TSPAN1: variants seen among roughly 807,000 people sequenced by gnomAD.
TSPAN1 encodes tetraspanin 1.
Under a neutral mutation model 26.9 loss-of-function variants are expected in TSPAN1, and 23 were observed. The ratio of observed to expected loss-of-function variants is 0.85; its 90% CI spans 0.62 to 1.21. The LOEUF (loss-of-function observed/expected upper bound fraction) is 1.21, where lower values mean the gene tolerates loss of function less well. TSPAN1 is among the 50% of genes most tolerant of loss of function. The probability of loss-of-function intolerance (pLI) is 0.00; values close to 1 mark genes in which losing one functional copy is unlikely to be tolerated. For synonymous variants in TSPAN1, 115 were observed against 114.8 expected, an observed-to-expected ratio of 1.00 and a Z score of -0.01; for missense variants, 283 against 298.4, an observed-to-expected ratio of 0.95 and a Z score of 0.38.
chr1:46,176,514 G>T (rs1445560412), intron 1 of TSPAN1: 6 of 1,531,988 alleles, frequency 3.9e-6, no homozygotes, highest in Admixed American at 3.9e-5. Context: ...GGTGCTGTTG[G>T]CCAGGGTAGC....
At position 46,185,117 on chromosome 1, in the gene TSPAN1, T is replaced by C. The variant is rs530826356; in HGVS notation, c.594+2T>C. Reference sequence around the variant, plus strand: ...AAGGCTCACGACCAAAAAGTAGAGGTGTGGGCTGGCATGAGTGGGTGGGGA... The same window carrying C: ...AAGGCTCACGACCAAAAAGTAGAGGCGTGGGCTGGCATGAGTGGGTGGGGA... On this transcript the variant is annotated splice_donor_variant, in intron 7 of 8. Transcript: ENST00000372003. LOFTEE classifies it high-confidence loss of function. 6.2e-7 allele frequency: 1 copy of C among 1,613,818 alleles called. No individual in the cohort carries two copies. Among genetic ancestry groups the C allele is most frequent in the Admixed American group, 1.7e-5 (1 of 60,006 alleles).
the TSPAN1 span, chr1:46,191,048 C>A: frequency 2.3e-6 from 1 of 440,922 alleles, no homozygotes; most frequent in Non-Finnish European, 4.3e-6. Flanking sequence ...ACTAGCAGTC[C>A]CTGCCTCTTG....
chr1:46,192,919 T>C, the TSPAN1 span: 6 of 1,613,990 alleles, frequency 3.7e-6, no homozygotes, highest in Non-Finnish European at 5.1e-6. Flanking sequence ...TCCACAGCAA[T>C]GTCCAGGTCC....
At chr1:46,186,389 A>C (rs1341134908), downstream of TSPAN1, among the ~76,000 whole-genome samples, 1 of 151,434 alleles carries the variant, frequency 6.6e-6, no homozygotes. Context: ...AAAACCCCAG[A>C]TCTGTCCCTG....
At position 46,185,211 on chromosome 1, in the gene TSPAN1, T is replaced by C. The variant is rs1336689422; in HGVS notation, c.595-14T>C. 3.7e-6 allele frequency: 6 copies of C among 1,614,176 alleles called. No homozygotes were observed. In the South Asian group the frequency reaches 4.4e-5, roughly 12 times the overall value. On this transcript the variant is annotated splice_polypyrimidine_tract_variant and intron_variant, in intron 7 of 8. Transcript: ENST00000372003. ...GCAGCTGCCAACTATAAATGCTCTTTTCTCTTCCTGAAGGGTTGCTTCAAT... is the reference window on the plus strand; with the variant it reads ...GCAGCTGCCAACTATAAATGCTCTTCTCTCTTCCTGAAGGGTTGCTTCAAT...
At chr1:46,195,767 T>C in the TSPAN1 span, 11 of 1,524,220 alleles carry the variant, frequency 7.2e-6, no homozygotes, top group Non-Finnish European at 9.8e-6. Context: ...GAAGCAGGGT[T>C]GGAGCTAGGG....
rs746396355 is a variant in TSPAN1 at position 46,184,815 on chromosome 1, C to T, written c.370C>T (p.Pro124Ser). 3 of 1,614,174 alleles carry T rather than the reference C, an allele frequency of 1.9e-6. No individual in the cohort carries two copies. Among genetic ancestry groups the T allele is most frequent in the South Asian group, 1.1e-5 (1 of 91,084 alleles). ...AEHFLTLLVV[P>S]AIKKDYGSQE... ...GCACTTCCTGACGTTGCTGGTAGTG[C>T]CTGCCATCAAGAAAGATTATGGTTC... Residue 124 changes from proline to serine, a missense_variant, in exon 6 of 9, where the codon CCT (proline) becomes TCT (serine). By Grantham distance (74) the Pro-to-Ser change is moderately conservative. Coordinates refer to ENST00000372003, the MANE Select transcript of TSPAN1 (RefSeq NM_005727.4).
chr1:46,196,036 A>G, the TSPAN1 span: 1 of 1,614,010 alleles, frequency 6.2e-7, no homozygotes, highest in African/African-American at 1.3e-5. This position sits in a 1 kb window ranked among gnomAD's most constrained non-coding sequence, Gnocchi z 4.4. Flanking sequence ...GGACAATGAC[A>G]TGGATGCCCC....
rs1657405883 is a variant in TSPAN1 at position 46,185,311 on chromosome 1, A to G, written c.678+3A>G. The G allele has an allele frequency of 1.2e-6, 2 of 1,613,868 alleles. No homozygotes were observed. The highest frequency in any genetic ancestry group is 2.7e-5 in the African/African-American group (2 of 74,910). On this transcript the variant is annotated splice_donor_region_variant and intron_variant, in intron 8 of 8. Coordinates refer to ENST00000372003, the MANE Select transcript of TSPAN1 (RefSeq NM_005727.4). ...CAGCTGGAATTGGGGGCCTCGAGGT[A>G]AGCAGATGAGGAGGCTGGGACTGGG...
the TSPAN1 span, chr1:46,195,653 T>A: frequency 2.7e-6 from 2 of 750,986 alleles, no homozygotes; most frequent in Non-Finnish European, 4.7e-6. Flanking sequence ...CAATAACTAT[T>A]TGCTGAATTA....
At chr1:46,184,938 T>G in intron 6 of TSPAN1, 22 bp from the exon 7 acceptor site, 1 of 1,614,132 alleles carries the variant, frequency 6.2e-7, no homozygotes, top group South Asian at 1.1e-5. Flanking sequence ...AGGCCCCACC[T>G]CCACCCTCAT....
At chr1:46,180,806 C>T in intron 2 of TSPAN1, 148 bp downstream of exon 2, 1 of 466,806 alleles carries the variant, frequency 2.1e-6, no homozygotes, top group Non-Finnish European at 3.9e-6. Flanking sequence ...TAGGAAAGAG[C>T]ATGGAGTGAC....
intron 1 of TSPAN1, among the ~76,000 whole-genome samples, chr1:46,178,730 G>T (rs191368499): frequency 6.6e-6 from 1 of 152,116 alleles, no homozygotes; most frequent in Non-Finnish European, 1.5e-5. Context: ...CAGTCTGCTT[G>T]GTGGTTAAGA....
the TSPAN1 span, chr1:46,193,045 C>T: frequency 5.6e-6 from 9 of 1,602,640 alleles, no homozygotes; most frequent in African/African-American, 4.0e-5. Context: ...TTGCAGGCAG[C>T]ATTACCCCCA....
intron 3 of TSPAN1, chr1:46,183,978 T>C: frequency 3.3e-6 from 2 of 602,670 alleles, no homozygotes; most frequent in South Asian, 4.0e-5. Context: ...CTCCTTTATA[T>C]CTGCCCAGGT....
intron 1 of TSPAN1, among the ~76,000 whole-genome samples, chr1:46,179,654 G>A (rs1657264227): frequency 6.6e-6 from 1 of 152,190 alleles, no homozygotes; most frequent in Admixed American, 6.5e-5. Context: ...AGCCCCACTA[G>A]GAGTAACAAA....
At chr1:46,190,422 C>G (rs770393955), downstream of TSPAN1, 8 of 1,528,492 alleles carry the variant, frequency 5.2e-6, no homozygotes, top group East Asian at 1.8e-4. Context: ...CCAAGATCCC[C>G]AGTATTTGAC....
At chr1:46,177,120 A>C (rs1013519690) in intron 1 of TSPAN1, among the ~76,000 whole-genome samples, 1 of 152,170 alleles carries the variant, frequency 6.6e-6, no homozygotes, top group African/African-American at 2.4e-5. Context: ...AGATCACCTG[A>C]GGTCAGGAGT....
chr1:46,185,643 C>T lies in TSPAN1; in HGVS notation c.*110C>T. Reference sequence around the variant, plus strand: ...ACAGGATCTAACAATGTCACTTGGGCCAGAATGGACCTGCCCTTTCTGCTC... The same window carrying T: ...ACAGGATCTAACAATGTCACTTGGGTCAGAATGGACCTGCCCTTTCTGCTC... On this transcript the variant is annotated 3_prime_UTR_variant, in exon 9 of 9. Transcript: ENST00000372003. 8.1e-7 allele frequency: 1 copy of T among 1,230,564 alleles called. No individual in the cohort carries two copies. Among genetic ancestry groups the T allele is most frequent in the Non-Finnish European group, 1.2e-6 (1 of 853,934 alleles). 76.2% of individuals were successfully genotyped at this position (1,230,564 alleles called of 1,614,324 possible). A position where few individuals can be genotyped will look rare whatever the true frequency, so the allele number is the denominator to read the frequency against.
Sources: allele counts gnomAD v4.1 joint callset (sites outside exome capture counted in the v4.1 genomes callset), GRCh38; gene constraint gnomAD v4.1.1; non-coding constraint Gnocchi (gnomAD v3.1); transcripts MANE v1.5; gene names NCBI Gene and HGNC (gene_info 2026-07-23, HGNC 2026-07-21).